The following RRBP1 variants were observed in gnomAD, a reference collection of about 807,000 sequenced individuals.
The protein encoded by RRBP1 is ribosome binding protein 1, also known as ribosome-binding protein 1.
RRBP1 carries 94 observed loss-of-function variants against 165.2 expected under a neutral mutation model. The ratio of observed to expected loss-of-function variants is 0.57; its 90% CI spans 0.48 to 0.68. RRBP1 has a LOEUF of 0.68. Ranked by LOEUF, RRBP1 falls within the 30% of genes least tolerant of loss-of-function variation. The probability of loss-of-function intolerance (pLI) is 0.00; values close to 1 mark genes in which losing one functional copy is unlikely to be tolerated. For missense variants in RRBP1, 1,676 were observed against 1,763.0 expected (o/e 0.95, Z 0.88); for synonymous variants, 680 against 714.5 (o/e 0.95, Z 0.77).
In RRBP1 at chr20:17,659,841, C is replaced by T; in HGVS notation, c.667G>A (p.Glu223Lys). Reference sequence around the variant, plus strand: ...TTTTTGCCCTGGTTTGGGGTTCCCTCTGCCTTTCTGCCCTGGTTTGGGGCT... The same window carrying T: ...TTTTTGCCCTGGTTTGGGGTTCCCTTTGCCTTTCTGCCCTGGTTTGGGGCT... The part of the protein sequence containing the change: ...EGAPNQGRKA[E>K]GTPNQGKKTE... Residue 223 changes from glutamate to lysine, a missense_variant, in exon 3 of 25, where the codon GAG becomes AAG. Glu to Lys is a moderately conservative substitution (Grantham distance 56). Around this residue, in one of 5 missense-constraint regions of RRBP1, gnomAD observed 392 missense variants for 382.5 expected, o/e 1.02. Transcript: ENST00000377813. 1 of 1,551,574 alleles carries T rather than the reference C, an allele frequency of 6.4e-7. No individual in the cohort carries two copies. Among genetic ancestry groups the T allele is most frequent in the Admixed American group, 2.0e-5 (1 of 51,018 alleles).
chr20:17,658,734 C>A lies in RRBP1; in HGVS notation c.1774G>T (p.Ala592Ser), dbSNP rs759153442. The A allele has an allele frequency of 1.2e-6, 2 of 1,614,122 alleles. No homozygotes were observed. Among genetic ancestry groups the A allele is most frequent in the Non-Finnish European group, 1.7e-6 (2 of 1,180,042 alleles). The change falls in exon 3 of 25, where the codon GCA becomes TCA. Residue 592 changes from alanine (A) to serine (S), a missense_variant. Around this residue, in one of 5 missense-constraint regions of RRBP1, gnomAD observed 1,184 missense variants for 1,167.1 expected, o/e 1.01. Transcript: ENST00000377813. ...GSPNQGKKADAAANQGKKTES... is the reference protein window; with the variant it reads ...GSPNQGKKADSAANQGKKTES... Reference sequence around the variant, plus strand: ...GTCTTTTTACCCTGATTGGCAGCTGCGTCTGCCTTTTTGCCTTGGTTGGGG... The same window carrying A: ...GTCTTTTTACCCTGATTGGCAGCTGAGTCTGCCTTTTTGCCTTGGTTGGGG...
At chr20:17,631,788 C>T (rs933103551) in intron 8 of RRBP1, among the ~76,000 whole-genome samples, 1 of 152,246 alleles carries the variant, frequency 6.6e-6, no homozygotes, top group African/African-American at 2.4e-5. Flanking sequence ...ACAGGCCACC[C>T]CCGCCCTCAT....
At chr20:17,667,118 T>C (rs1243586704) in intron 2 of RRBP1, among the ~76,000 whole-genome samples, 3 of 152,250 alleles carry the variant, frequency 2.0e-5, no homozygotes, top group Non-Finnish European at 2.9e-5. Context: ...TTGAGTCTCA[T>C]AGAATAAGCT....
chr20:17,657,887 C>T (rs2036673624), intron 3 of RRBP1, among the ~76,000 whole-genome samples: 1 of 152,190 alleles, frequency 6.6e-6, no homozygotes, highest in African/African-American at 2.4e-5. Context: ...AAAACACCTT[C>T]CTACCATCAT....
chr20:17,621,864 C>G lies in RRBP1; in HGVS notation c.3231G>C (p.Leu1077Phe). The G allele has an allele frequency of 3.1e-6, 5 of 1,613,800 alleles. No homozygotes were observed. The highest frequency in any genetic ancestry group is 4.2e-6 in the Non-Finnish European group (5 of 1,179,932). The stretch of plus-strand genomic sequence containing the variant: ...CACCCTCCCCTCCTACCTGTTGTGC[C>G]AAGACAGAGAGTTCTGGGAGCAGAG... ...LLALLPELSV[L>F]AQQNYTEWLQ... Residue 1077 changes from leucine to phenylalanine, a missense_variant, in exon 14 of 25, where the codon TTG becomes TTC. By Grantham distance (22) the Leu-to-Phe change is conservative. Coordinates refer to ENST00000377813, the MANE Select transcript of RRBP1 (RefSeq NM_001365613.2).
chr20:17,638,804 C>CA (rs950849409), intron 5 of RRBP1, among the ~76,000 whole-genome samples: 3 of 152,264 alleles, frequency 2.0e-5, no homozygotes, highest in African/African-American at 7.2e-5. Flanking sequence ...CTACTTCTTC[C>CA]AGGCGCTGTT....
At chr20:17,679,457 CA>C (rs1299514157) in intron 2 of RRBP1, among the ~76,000 whole-genome samples, 1 of 152,204 alleles carries the variant, frequency 6.6e-6, no homozygotes, top group Non-Finnish European at 1.5e-5. Context: ...AAGATTTTAG[CA>C]AAGAAAAACT....
At chr20:17,627,010 C>T (rs1259036191) in intron 11 of RRBP1, among the ~76,000 whole-genome samples, 1 of 152,170 alleles carries the variant, frequency 6.6e-6, no homozygotes, top group Non-Finnish European at 1.5e-5. Context: ...CCCTAAAATC[C>T]CTTGCTTGTA....
At position 17,620,462 on chromosome 20, in the gene RRBP1, C is replaced by T. The variant is rs759327380; in HGVS notation, c.3508-92G>A. 31 of 1,191,338 alleles carry T rather than the reference C, an allele frequency of 2.6e-5. No homozygotes were observed. In the Admixed American group the frequency reaches 4.7e-4, roughly 18 times the overall value. The allele number at this position is 1,191,338 out of a possible 1,614,324, so 73.8% of individuals were successfully genotyped here. On this transcript the variant is annotated intron_variant, in intron 17 of 24. Coordinates refer to ENST00000377813, the MANE Select transcript of RRBP1 (RefSeq NM_001365613.2). ...TAGGACCCGAGCGGGACTGACCCAA[C>T]TTAGGAAGCCCCGGGGGTGCCCACT...
chr20:17,639,046 C>T (rs1004985062), intron 5 of RRBP1, among the ~76,000 whole-genome samples: 2 of 152,220 alleles, frequency 1.3e-5, no homozygotes, highest in African/African-American at 4.8e-5. Flanking sequence ...GAACACGGGA[C>T]CAAGCCCAGG....
At chr20:17,681,685 C>G (rs2037191940) in intron 1 of RRBP1, among the ~76,000 whole-genome samples, 1 of 150,064 alleles carries the variant, frequency 6.7e-6, no homozygotes, top group African/African-American at 2.4e-5. Context: ...CTTCGGAGCG[C>G]GCTGGCCGGC....
chr20:17,652,724 G>A (rs537258746), intron 3 of RRBP1, among the ~76,000 whole-genome samples: 3 of 152,332 alleles, frequency 2.0e-5, no homozygotes, highest in Admixed American at 2.0e-4. Flanking sequence ...CAGCAGAGGG[G>A]CAACGAGGCA....
At chr20:17,634,987 A>G (rs2036221766) in intron 7 of RRBP1, among the ~76,000 whole-genome samples, 1 of 152,236 alleles carries the variant, frequency 6.6e-6, no homozygotes, top group Non-Finnish European at 1.5e-5. Flanking sequence ...TGGTGAGAGC[A>G]GAGGCTTTCG....
At chr20:17,681,740 C>T (rs926278807) in intron 1 of RRBP1, among the ~76,000 whole-genome samples, 7 of 150,614 alleles carry the variant, frequency 4.6e-5, no homozygotes, top group African/African-American at 1.7e-4. Flanking sequence ...GCGGTCGCCA[C>T]GTCGCGCCCG....
At chr20:17,650,987 T>C (rs1404509184) in intron 3 of RRBP1, among the ~76,000 whole-genome samples, 7 of 152,244 alleles carry the variant, frequency 4.6e-5, no homozygotes, top group Non-Finnish European at 1.0e-4. Context: ...CTCAGTTAAC[T>C]ATCGGAGAAC....
Position 17,635,575 on chromosome 20 carries a change from C to CA in RRBP1, c.2426dup (p.Leu809PhefsTer41). On this transcript the variant is annotated frameshift_variant, in exon 7 of 25. Transcript: ENST00000377813. LOFTEE classifies it high-confidence loss of function. ...TCTCCACCTGGCTCGTGGCCTGGTTCAAGGCATCCCGCAGGATGGAGTTCT... is the reference window on the plus strand; with the variant it reads ...TCTCCACCTGGCTCGTGGCCTGGTTCAAAGGCATCCCGCAGGATGGAGTTCT... 6.2e-7 allele frequency: 1 copy of CA among 1,612,794 alleles called. No homozygotes were observed.
intron 2 of RRBP1, among the ~76,000 whole-genome samples, chr20:17,670,804 T>C (rs1289067813): frequency 6.6e-6 from 1 of 152,236 alleles, no homozygotes; most frequent in Non-Finnish European, 1.5e-5. Context: ...AGTTGCTGTA[T>C]CACTAAATGT....
At chr20:17,638,576 T>C (rs1246113995) in intron 5 of RRBP1, among the ~76,000 whole-genome samples, 2 of 152,184 alleles carry the variant, frequency 1.3e-5, no homozygotes, top group African/African-American at 4.8e-5. Flanking sequence ...GAAAAGTCAC[T>C]TGTCCTCAGT....
intron 6 of RRBP1, among the ~76,000 whole-genome samples, 191 bp from the exon 7 acceptor site, chr20:17,635,855 T>G (rs1358750660): frequency 6.6e-6 from 1 of 152,210 alleles, no homozygotes; most frequent in Non-Finnish European, 1.5e-5. Flanking sequence ...CGGCCAAGCA[T>G]GACTCCCACA....
Sources: allele counts gnomAD v4.1 joint callset (sites outside exome capture counted in the v4.1 genomes callset), GRCh38; gene constraint gnomAD v4.1.1; regional missense constraint gnomAD v4.1.1; transcripts MANE v1.5; gene names NCBI Gene and HGNC (gene_info 2026-07-23, HGNC 2026-07-21).